Variants in UCK2 observed in about 807,000 individuals in gnomAD.
UCK2 encodes cytidine monophosphokinase 2.
UCK2 carries 6 observed loss-of-function variants against 30.8 expected under a neutral mutation model. The observed-to-expected ratio is 0.19, with a 90% confidence interval of 0.11 to 0.38. The LOEUF is 0.38. Among genes scored for constraint, UCK2 ranks in the 10% least tolerant of loss-of-function variants. The pLI, the probability that UCK2 is intolerant of heterozygous loss-of-function variation, is 1.00. For synonymous variants in UCK2, 125 were observed against 133.6 expected (o/e 0.94, Z 0.45); for missense variants, 210 against 339.8 (o/e 0.62, Z 3.00).
intron 5 of UCK2, among the ~76,000 whole-genome samples, chr1:165,905,384 T>G (rs1475366998): frequency 1.3e-5 from 2 of 152,052 alleles, no homozygotes; most frequent in African/African-American, 2.4e-5. Context: ...CTCAGGAGGC[T>G]GAGGTGGGAT....
At chr1:165,888,642 C>CTTTTTTTTTTTTT (rs60874109) in intron 1 of UCK2, among the ~76,000 whole-genome samples, 7 of 71,018 alleles carry the variant, frequency 9.9e-5, no homozygotes, top group South Asian at 6.8e-4. Flanking sequence ...CTTTCTTCTT[C>CTTTTTTTTTTTTT]TTTTTTTTTT....
At chr1:165,835,061 T>C (rs1253526967) in intron 1 of UCK2, among the ~76,000 whole-genome samples, 1 of 152,174 alleles carries the variant, frequency 6.6e-6, no homozygotes, top group South Asian at 2.1e-4. Context: ...TCAGCTAGCA[T>C]GCTCTGCTTT....
chr1:165,834,864 T>C (rs1171421984), intron 1 of UCK2, among the ~76,000 whole-genome samples: 1 of 152,236 alleles, frequency 6.6e-6, no homozygotes, highest in Non-Finnish European at 1.5e-5. Context: ...TACTTTTTCT[T>C]CCTGTCCCAT....
intron 1 of UCK2, among the ~76,000 whole-genome samples, chr1:165,874,479 A>T (rs565678511): frequency 1.8e-4 from 27 of 152,284 alleles, no homozygotes; most frequent in Middle Eastern, 6.8e-3. Flanking sequence ...ATTTTCATTT[A>T]GCATCCTCCC....
At chr1:165,881,644 A>G (rs1248679450) in intron 1 of UCK2, among the ~76,000 whole-genome samples, 1 of 152,234 alleles carries the variant, frequency 6.6e-6, no homozygotes, top group Non-Finnish European at 1.5e-5. Context: ...TGATTTGAGG[A>G]TTAAATATAA....
rs1647783682 is a variant in UCK2, at chr1:165,909,593, T to C, written c.*1770T>C. The C allele has an allele frequency of 6.6e-6, 1 of 152,228 alleles. No homozygotes were observed. The highest frequency in any genetic ancestry group is 1.5e-5 in the Non-Finnish European group (1 of 68,038). 9.4% of individuals were successfully genotyped at this position (152,228 alleles called of 1,614,324 possible). A position where few individuals can be genotyped will look rare whatever the true frequency, so the allele number is the denominator to read the frequency against. On this transcript the variant is annotated 3_prime_UTR_variant, in exon 7 of 7. Transcript: ENST00000367879. Reference sequence around the variant, plus strand: ...AGCAGAGCTTGCCACCCGGAGACTTTCAGGAGACCGTGCAGGCTCTGAAGG... The same window carrying C: ...AGCAGAGCTTGCCACCCGGAGACTTCCAGGAGACCGTGCAGGCTCTGAAGG...
chr1:165,837,648 A>G (rs751626096), intron 1 of UCK2, among the ~76,000 whole-genome samples: 2 of 152,114 alleles, frequency 1.3e-5, no homozygotes, highest in African/African-American at 4.8e-5. Flanking sequence ...TGTTTAGTCT[A>G]TCTTCTCTAG....
At chr1:165,903,312 T>C (rs1647542372) in intron 5 of UCK2, 33 bp downstream of exon 5, 3 of 1,593,538 alleles carry the variant, frequency 1.9e-6, no homozygotes, top group African/African-American at 1.3e-5. Flanking sequence ...TTTTGTTGAA[T>C]GTAGAATTTA....
intron 1 of UCK2, among the ~76,000 whole-genome samples, chr1:165,877,822 T>C (rs2101874431): frequency 6.6e-6 from 1 of 152,354 alleles, no homozygotes; most frequent in Non-Finnish European, 1.5e-5. Flanking sequence ...TTCTTTAATA[T>C]GCTTTTTTTA....
chr1:165,844,413 A>T (rs1232747215), intron 1 of UCK2, among the ~76,000 whole-genome samples: 1 of 152,248 alleles, frequency 6.6e-6, no homozygotes, highest in Non-Finnish European at 1.5e-5. Flanking sequence ...GAGCTCCTAA[A>T]ACCCTGTGGA....
chr1:165,880,566 GGTGTGTGTGTGTGTGTGT>G (rs869079437), intron 1 of UCK2, among the ~76,000 whole-genome samples: 5 of 19,310 alleles, frequency 2.6e-4, no homozygotes, highest in African/African-American at 8.3e-4. Flanking sequence ...TTTTTTTGGG[GGTGTGTGTGTGTGTGTGT>G]GTGTGTGTGT....
chr1:165,834,467 A>T (rs986079058), intron 1 of UCK2, among the ~76,000 whole-genome samples: 8 of 152,152 alleles, frequency 5.3e-5, no homozygotes, highest in African/African-American at 1.9e-4. Context: ...CCTATATCAG[A>T]AAAAACAAAA....
intron 5 of UCK2, chr1:165,903,939 CAA>C (rs1481627808): frequency 6.5e-6 from 1 of 152,776 alleles, no homozygotes; most frequent in Non-Finnish European, 1.5e-5. Flanking sequence ...CTACCAGAGA[CAA>C]GAGGTGTGGT....
intron 1 of UCK2, among the ~76,000 whole-genome samples, chr1:165,886,831 A>G (rs1050508788): frequency 6.6e-6 from 1 of 152,178 alleles, no homozygotes; most frequent in Non-Finnish European, 1.5e-5. Context: ...ACAACAATAG[A>G]GAGGATGATA....
At chr1:165,867,585 G>C (rs529378442) in intron 1 of UCK2, among the ~76,000 whole-genome samples, 41 of 152,316 alleles carry the variant, frequency 2.7e-4, no homozygotes, top group Non-Finnish European at 4.6e-4. Flanking sequence ...TTCAGCATTA[G>C]ATTCCATCTC....
At chr1:165,851,177 C>G (rs897346935) in intron 1 of UCK2, among the ~76,000 whole-genome samples, 3 of 152,120 alleles carry the variant, frequency 2.0e-5, no homozygotes, top group African/African-American at 7.2e-5. Context: ...GTCCAGTGCA[C>G]CTGGGTGTGT....
intron 4 of UCK2, among the ~76,000 whole-genome samples, chr1:165,900,891 G>A (rs145976810): frequency 2.8e-4 from 43 of 152,350 alleles, no homozygotes; most frequent in African/African-American, 1.0e-3. Context: ...CCAAGCACGG[G>A]TGTGTTTGTT....
At position 165,877,575 on chromosome 1, in the gene UCK2, T is replaced by C. The variant is rs183734906; in HGVS notation, c.100-12629T>C. ...CTCAGCACAATTCTCTGGAGATTCG[T>C]GCAGGTTGTTGTATCAGCAGTCATT... On this transcript the variant is annotated intron_variant, in intron 1 of 6. Coordinates refer to ENST00000367879, the MANE Select transcript of UCK2 (RefSeq NM_012474.5). Among the ~76,000 whole-genome samples the C allele has an allele frequency of 5.0e-4, 76 of 152,350 alleles. 1 individual carries two copies. In the South Asian group the frequency reaches 9.1e-3, roughly 18 times the overall value.
chr1:165,828,169 G>A (rs1214945976), intron 1 of UCK2, among the ~76,000 whole-genome samples: 1 of 152,036 alleles, frequency 6.6e-6, no homozygotes, highest in African/African-American at 2.4e-5. Context: ...TCGCAGGGCG[G>A]GAGTGCTCCT....
Sources: gnomAD v4.1 joint callset for allele counts (sites outside exome capture counted in the v4.1 genomes callset) on GRCh38, gnomAD v4.1.1 for gene constraint, MANE v1.5 for transcripts, NCBI Gene and HGNC (gene_info 2026-07-23, HGNC 2026-07-21) for gene names.